Variants in RYR2 observed in about 807,000 individuals in gnomAD.
RYR2 encodes cardiac muscle ryanodine receptor-calcium release channel.
RYR2 carries 227 observed loss-of-function variants against 601.1 expected under a neutral mutation model. That is an observed-to-expected ratio of 0.38 (90% CI 0.34 to 0.42). RYR2 has a LOEUF of 0.42. Among genes scored for constraint, RYR2 ranks in the 10% least tolerant of loss-of-function variants. The pLI is 1.00. For missense variants in RYR2, 4,646 were observed against 6,156.5 expected, an observed-to-expected ratio of 0.75 and a Z score of 8.21; for synonymous variants, 2,223 against 2,175.1, an observed-to-expected ratio of 1.02 and a Z score of -0.61.
rs183181246 is a variant in RYR2, at chr1:237,822,262, T to A, written c.14590+3070T>A. Among the ~76,000 whole-genome samples the A allele has an allele frequency of 3.3e-5, 5 of 152,124 alleles. No homozygotes were observed. In the East Asian group the frequency reaches 9.7e-4, roughly 29 times the overall value. Reference sequence around the variant, plus strand: ...GTTGAAATGAAGGAAAAAATGTTAATTAAGGGCAGCCAGAGAGAAAGGTCG... The same window carrying A: ...GTTGAAATGAAGGAAAAAATGTTAAATAAGGGCAGCCAGAGAGAAAGGTCG... On this transcript the variant is annotated intron_variant, in intron 101 of 104. Transcript: ENST00000366574.
At chr1:237,637,855 C>T (rs899586566) in intron 44 of RYR2, among the ~76,000 whole-genome samples, 3 of 152,190 alleles carry the variant, frequency 2.0e-5, no homozygotes, top group Admixed American at 2.0e-4. Context: ...GCTCTTGGCC[C>T]ACCCAGACAG....
At chr1:237,128,996 C>A (rs138373838) in intron 1 of RYR2, among the ~76,000 whole-genome samples, 1 of 152,136 alleles carries the variant, frequency 6.6e-6, no homozygotes, top group Non-Finnish European at 1.5e-5. Flanking sequence ...GGAAGAGTAG[C>A]TTTGAGTGGG....
At chr1:237,641,485 C>CTTTCTTTCTTTG (rs1553264981) in intron 47 of RYR2, among the ~76,000 whole-genome samples, 1 of 72,190 alleles carries the variant, frequency 1.4e-5, no homozygotes, top group East Asian at 3.3e-4. Flanking sequence ...TTCTTTCTTT[C>CTTTCTTTCTTTG]TTTCTTTCTT....
intron 57 of RYR2, among the ~76,000 whole-genome samples, 191 bp from the exon 58 acceptor site, chr1:237,667,692 C>T (rs1684446841): frequency 6.6e-6 from 1 of 152,160 alleles, no homozygotes. Flanking sequence ...TGTTTAGTTA[C>T]TGTATAATAT....
rs188016465 is a variant in RYR2, at chr1:237,773,958, T to A, written c.11775+310T>A. 0.011 allele frequency among the ~76,000 whole-genome samples: 1,618 copies of A among 152,316 alleles called. 16 individuals carry two copies. Among genetic ancestry groups the A allele is most frequent in the Middle Eastern group, 0.02 (6 of 294 alleles). On this transcript the variant is annotated intron_variant, in intron 87 of 104. Transcript: ENST00000366574. Reference sequence around the variant, plus strand: ...AGGAAGGGCGAGCAGGCACAACATTTAACCATTCTTTCTGGTATTCCACTA... The same window carrying A: ...AGGAAGGGCGAGCAGGCACAACATTAAACCATTCTTTCTGGTATTCCACTA...
intron 27 of RYR2, 141 bp from the exon 28 acceptor site, chr1:237,566,421 GAAGAT>G (rs1672091063): frequency 3.6e-6 from 3 of 835,564 alleles, no homozygotes; most frequent in Non-Finnish European, 5.4e-6. Flanking sequence ...AAATGGGAAA[GAAGAT>G]AAGAAGGTAT....
At chr1:237,046,592 A>G (rs1282042741) in intron 1 of RYR2, among the ~76,000 whole-genome samples, 2 of 152,188 alleles carry the variant, frequency 1.3e-5, no homozygotes, top group East Asian at 1.9e-4. Flanking sequence ...TTAACTTAGA[A>G]ATTAGCATGT....
At chr1:237,647,383 A>G (rs1434048877) in intron 48 of RYR2, among the ~76,000 whole-genome samples, 2 of 152,216 alleles carry the variant, frequency 1.3e-5, no homozygotes, top group African/African-American at 4.8e-5. Flanking sequence ...GTACCCGACA[A>G]CAGCACAACA....
At chr1:237,639,354 A>T (rs1161650791) in intron 46 of RYR2, among the ~76,000 whole-genome samples, 153 bp downstream of exon 46, 1 of 152,222 alleles carries the variant, frequency 6.6e-6, no homozygotes, top group African/African-American at 2.4e-5. Context: ...GGAAGAATGA[A>T]TGGAATTTGG....
chr1:237,192,482 C>T (rs1234166102), intron 1 of RYR2, among the ~76,000 whole-genome samples: 1 of 152,142 alleles, frequency 6.6e-6, no homozygotes. Context: ...CCCGAAGTGC[C>T]GGGATTACAG....
At chr1:237,326,666 G>T (rs916263526) in intron 2 of RYR2, among the ~76,000 whole-genome samples, 4 of 152,184 alleles carry the variant, frequency 2.6e-5, no homozygotes, top group African/African-American at 7.2e-5. Context: ...GGCAAGGAAC[G>T]TTCTTTCACA....
At chr1:237,326,883 A>T (rs750110884) in intron 2 of RYR2, among the ~76,000 whole-genome samples, 2 of 152,204 alleles carry the variant, frequency 1.3e-5, no homozygotes. Flanking sequence ...TAATGAATGA[A>T]TGAGACCCTT....
At chr1:237,342,432 G>C (rs1007624454) in intron 3 of RYR2, among the ~76,000 whole-genome samples, 1 of 151,830 alleles carries the variant, frequency 6.6e-6, no homozygotes, top group African/African-American at 2.4e-5. Flanking sequence ...GGGATTACAG[G>C]TGTGAGCCAC....
chr1:237,660,863 T>G lies in RYR2; in HGVS notation c.8352T>G (p.Ala2784=). The change falls in exon 56 of 105, where the codon GCT becomes GCG. Residue 2784 remains alanine, a synonymous_variant. Transcript: ENST00000366574. ...PIKESLKTML[A]WGWRIERTRE... ...AAGAATCTTTAAAAACTATGCTGGCTTGGGGCTGGAGAATTGAAAGAACTC... is the reference window on the plus strand; with the variant it reads ...AAGAATCTTTAAAAACTATGCTGGCGTGGGGCTGGAGAATTGAAAGAACTC... 1 of 1,546,486 alleles carries G rather than the reference T, an allele frequency of 6.5e-7. No homozygotes were observed. Among genetic ancestry groups the G allele is most frequent in the Non-Finnish European group, 8.7e-7 (1 of 1,143,850 alleles).
Position 237,641,023 on chromosome 1 carries a change from G to A in RYR2, c.7221+21G>A, listed in dbSNP as rs76265079. 2.8e-4 allele frequency: 437 copies of A among 1,570,698 alleles called. No homozygotes were observed. In the African/African-American group the frequency reaches 5.3e-3, roughly 19 times the overall value. On this transcript the variant is annotated intron_variant, in intron 47 of 104. Transcript: ENST00000366574. ...TGCATGTGAGTTTCTGGGAGTTCAG[G>A]AGCAGCAATCCTGATTTCTCTGTGT...
At chr1:237,303,292 C>CTTTTTTTTTTTTTTTTT (rs386370109) in intron 2 of RYR2, among the ~76,000 whole-genome samples, 1 of 85,252 alleles carries the variant, frequency 1.2e-5, no homozygotes, top group African/African-American at 4.8e-5. Flanking sequence ...CTGCGGTTAT[C>CTTTTTTTTTTTTTTTTT]TTTTTTTTTT....
At chr1:237,057,942 A>G (rs1300014384) in intron 1 of RYR2, among the ~76,000 whole-genome samples, 1 of 152,178 alleles carries the variant, frequency 6.6e-6, no homozygotes, top group Non-Finnish European at 1.5e-5. Flanking sequence ...ATTTTCTGCT[A>G]GGGACCTTTT....
intron 27 of RYR2, among the ~76,000 whole-genome samples, chr1:237,551,249 G>A (rs999050929): frequency 2.6e-5 from 4 of 152,148 alleles, no homozygotes; most frequent in Non-Finnish European, 1.5e-5. Context: ...TGTAGTTTAG[G>A]CCGGGCATGG....
At position 237,402,813 on chromosome 1, in the gene RYR2, A is replaced by AAG. The variant is rs1703476985; in HGVS notation, c.774-14236_774-14235insAG. 6.0e-5 allele frequency among the ~76,000 whole-genome samples: 9 copies of AAG among 149,126 alleles called. No individual in the cohort carries two copies. The South Asian group carries it at 1.5e-3, about 25-fold the overall frequency. On this transcript the variant is annotated intron_variant, in intron 10 of 104. Coordinates refer to ENST00000366574, the MANE Select transcript of RYR2 (RefSeq NM_001035.3). ...TATAGTCCCTGAGACTCAGAGTCTTACTCTATTGGGCAGGCTGGAGTACAG... is the reference window on the plus strand; with the variant it reads ...TATAGTCCCTGAGACTCAGAGTCTTAAGCTCTATTGGGCAGGCTGGAGTACAG...
Sources: allele counts gnomAD v4.1 joint callset (sites outside exome capture counted in the v4.1 genomes callset), GRCh38; gene constraint gnomAD v4.1.1; transcripts MANE v1.5; gene names NCBI Gene and HGNC (gene_info 2026-07-23, HGNC 2026-07-21).